SUPT3H: variants seen among roughly 807,000 people sequenced by gnomAD.
The protein encoded by SUPT3H is SPT3 homolog, SAGA and STAGA complex component, also known as transcription initiation protein SPT3 homolog.
In SUPT3H, 44 loss-of-function variants were observed where a neutral mutation model predicts 44.3. That is an observed-to-expected ratio of 0.99 (90% confidence interval 0.78 to 1.28). SUPT3H has a LOEUF of 1.28. SUPT3H is among the 50% of genes most tolerant of loss of function. The pLI is 0.00. For synonymous variants in SUPT3H, 124 were observed against 125.6 expected (o/e 0.99, Z 0.09); for missense variants, 380 against 387.1 (o/e 0.98, Z 0.15).
Position 44,982,045 on chromosome 6 carries a change from A to C in SUPT3H, c.505-20217T>G, listed in dbSNP as rs114807437. On this transcript the variant is annotated intron_variant, in intron 6 of 10. Coordinates refer to ENST00000371459, the MANE Select transcript of SUPT3H (RefSeq NM_003599.4). ...AACAGAGTGAGATCCTGTGTCTAAA[A>C]CAAAGCAAAGCAAAACAAAAGAAAA... Among the ~76,000 whole-genome samples the C allele has an allele frequency of 7.6e-3, 1,150 of 152,274 alleles. 22 individuals carry two copies. Among genetic ancestry groups the C allele is most frequent in the African/African-American group, 0.026 (1,086 of 41,548 alleles).
chr6:45,344,003 C>G (rs1343572039), intron 2 of SUPT3H, among the ~76,000 whole-genome samples: 1 of 152,136 alleles, frequency 6.6e-6, no homozygotes, highest in Non-Finnish European at 1.5e-5. Flanking sequence ...GGTGCCTATT[C>G]CTGTCTTTTT....
chr6:44,912,919 A>G (rs1479145858), intron 10 of SUPT3H, among the ~76,000 whole-genome samples: 2 of 152,186 alleles, frequency 1.3e-5, no homozygotes, highest in African/African-American at 4.8e-5. Flanking sequence ...TATTGCACTG[A>G]TAATACACTA....
intron 2 of SUPT3H, among the ~76,000 whole-genome samples, chr6:45,207,849 A>G (rs926434491): frequency 6.6e-6 from 1 of 152,286 alleles, no homozygotes; most frequent in African/African-American, 2.4e-5. Context: ...GAGCCTACCT[A>G]TTCCTCAAGA....
chr6:44,982,559 G>C (rs190315467), intron 6 of SUPT3H, among the ~76,000 whole-genome samples: 4 of 152,238 alleles, frequency 2.6e-5, no homozygotes, highest in African/African-American at 9.6e-5. Flanking sequence ...AGCCATAAGG[G>C]TCCTAACTTC....
intron 10 of SUPT3H, among the ~76,000 whole-genome samples, chr6:44,890,563 A>G (rs1269608909): frequency 7.1e-6 from 1 of 140,290 alleles, no homozygotes; most frequent in Non-Finnish European, 1.5e-5. Context: ...GAACAATGAG[A>G]ACACATGGAC....
At position 44,981,546 on chromosome 6, in the gene SUPT3H, T is replaced by C. The variant is rs551305087; in HGVS notation, c.505-19718A>G. Among the ~76,000 whole-genome samples the C allele has an allele frequency of 3.3e-5, 5 of 152,278 alleles. No homozygotes were observed. In the East Asian group the frequency reaches 7.7e-4, roughly 23 times the overall value. On this transcript the variant is annotated intron_variant, in intron 6 of 10. Transcript: ENST00000371459. ...ACCCAAATATTTTGAAATATTCTTCTATAATATTGAGAAACATTTTATACC... is the reference window on the plus strand; with the variant it reads ...ACCCAAATATTTTGAAATATTCTTCCATAATATTGAGAAACATTTTATACC...
At chr6:45,111,679 A>T (rs920674376) in intron 2 of SUPT3H, among the ~76,000 whole-genome samples, 3 of 152,164 alleles carry the variant, frequency 2.0e-5, no homozygotes, top group African/African-American at 7.2e-5. Flanking sequence ...AGCATATGGG[A>T]AATTTATTCC....
intron 3 of SUPT3H, among the ~76,000 whole-genome samples, chr6:45,050,618 A>G (rs1472860640): frequency 1.3e-5 from 2 of 152,128 alleles, no homozygotes; most frequent in African/African-American, 4.8e-5. Flanking sequence ...CATGCCACAT[A>G]TATTTGATAT....
At chr6:44,885,275 G>C (rs1778974573) in intron 10 of SUPT3H, among the ~76,000 whole-genome samples, 1 of 152,172 alleles carries the variant, frequency 6.6e-6, no homozygotes, top group Non-Finnish European at 1.5e-5. Flanking sequence ...GGTTCTCCCA[G>C]CATGCAGCTG....
chr6:44,814,587 C>T (rs1214407501), intron 11 of SUPT3H, among the ~76,000 whole-genome samples: 1 of 152,208 alleles, frequency 6.6e-6, no homozygotes, highest in Non-Finnish European at 1.5e-5. Context: ...ATCTACTCAC[C>T]AAGCTGGACT....
intron 2 of SUPT3H, among the ~76,000 whole-genome samples, chr6:45,238,831 TAA>T (rs902145353): frequency 1.3e-5 from 2 of 152,244 alleles, no homozygotes; most frequent in Non-Finnish European, 2.9e-5. Flanking sequence ...CAAGCTTTTA[TAA>T]AGAGTCTTAC....
At chr6:45,306,184 A>C (rs10948223) in intron 2 of SUPT3H, among the ~76,000 whole-genome samples, 34,579 of 152,134 alleles carry the variant, frequency 0.23, 4,609 homozygotes, top group Non-Finnish European at 0.31. Flanking sequence ...CAGGCAACAC[A>C]CATCACAAAC....
At chr6:44,959,020 C>A (rs911200586) in intron 7 of SUPT3H, among the ~76,000 whole-genome samples, 3 of 151,932 alleles carry the variant, frequency 2.0e-5, no homozygotes, top group African/African-American at 2.4e-5. Context: ...GGATTACAGG[C>A]ATGCACCACC....
intron 10 of SUPT3H, among the ~76,000 whole-genome samples, chr6:44,902,750 C>G (rs534468571): frequency 1.3e-5 from 2 of 152,210 alleles, no homozygotes; most frequent in Non-Finnish European, 2.9e-5. Context: ...CCACACTGCA[C>G]TTACTCCAAA....
chr6:45,210,184 G>C (rs1429981838), intron 2 of SUPT3H, among the ~76,000 whole-genome samples: 1 of 152,140 alleles, frequency 6.6e-6, no homozygotes, highest in African/African-American at 2.4e-5. Context: ...ACAAGTTGGA[G>C]ACTGTTAGGC....
intron 3 of SUPT3H, among the ~76,000 whole-genome samples, chr6:45,038,867 T>C (rs1165859654): frequency 6.6e-6 from 1 of 152,128 alleles, no homozygotes; most frequent in Non-Finnish European, 1.5e-5. Context: ...CTTTACTGGG[T>C]GTATATATTG....
At chr6:44,984,055 G>T (rs1779449708) in intron 6 of SUPT3H, among the ~76,000 whole-genome samples, 1 of 152,142 alleles carries the variant, frequency 6.6e-6, no homozygotes, top group South Asian at 2.1e-4. Context: ...TGAATAGAGG[G>T]TCTAATCTAG....
chr6:45,230,722 C>T (rs1356503349), intron 2 of SUPT3H, among the ~76,000 whole-genome samples: 3 of 137,144 alleles, frequency 2.2e-5, no homozygotes, highest in Non-Finnish European at 4.8e-5. Context: ...CACCAGGCTG[C>T]AGCGCAGTGG....
At chr6:44,839,685 T>C (rs1415898438) in intron 10 of SUPT3H, among the ~76,000 whole-genome samples, 2 of 152,066 alleles carry the variant, frequency 1.3e-5, no homozygotes, top group African/African-American at 2.4e-5. Flanking sequence ...AAAGGGCCTA[T>C]GAAAAATTCA....
Sources: gnomAD v4.1 joint callset for allele counts (sites outside exome capture counted in the v4.1 genomes callset) on GRCh38, gnomAD v4.1.1 for gene constraint, MANE v1.5 for transcripts, NCBI Gene and HGNC (gene_info 2026-07-23, HGNC 2026-07-21) for gene names.